ROBO2: variants seen among roughly 807,000 people sequenced by gnomAD.
The protein encoded by ROBO2 is roundabout guidance receptor 2.
A neutral mutation model predicts 160.8 loss-of-function variants in ROBO2; 53 were observed. The ratio of observed to expected loss-of-function variants is 0.33; its 90% CI spans 0.26 to 0.41. The LOEUF is 0.41. Ranked by LOEUF, ROBO2 falls within the 10% of genes least tolerant of loss-of-function variation. ROBO2 has a pLI of 1.00. For synonymous variants in ROBO2, 664 were observed against 611.7 expected, an observed-to-expected ratio of 1.09 and a Z score of -1.26; for missense variants, 1,577 against 1,722.4, an observed-to-expected ratio of 0.92 and a Z score of 1.49.
intron 2 of ROBO2, among the ~76,000 whole-genome samples, chr3:77,368,993 G>A (rs953902151): frequency 7.9e-5 from 12 of 152,060 alleles, no homozygotes; most frequent in Admixed American, 2.0e-4. Flanking sequence ...TTTATCTTGC[G>A]GTGGGGTTGC....
At chr3:76,062,006 A>G (rs191480411) in intron 2 of ROBO2, among the ~76,000 whole-genome samples, 12 of 152,220 alleles carry the variant, frequency 7.9e-5, no homozygotes, top group African/African-American at 2.9e-4. Flanking sequence ...TCCCATTTTA[A>G]AGGACAATTC....
In ROBO2 at chr3:76,966,182, A is replaced by G. The variant is rs112461428; in HGVS notation, c.110-131832A>G. Among the ~76,000 whole-genome samples, 1,072 of 152,192 alleles carry G rather than the reference A, an allele frequency of 7.0e-3. 13 individuals carry two copies. Among genetic ancestry groups the G allele is most frequent in the African/African-American group, 0.024 (1,003 of 41,518 alleles). On this transcript the variant is annotated intron_variant, in intron 2 of 26. Transcript: ENST00000487694. ...GGTGATACACCCACCTCGGCCTCCC[A>G]AAGTGCTGGGATTACAGGCGTGAGC...
intron 2 of ROBO2, among the ~76,000 whole-genome samples, chr3:76,922,443 G>T (rs1023493842): frequency 6.6e-6 from 1 of 152,178 alleles, no homozygotes; most frequent in Non-Finnish European, 1.5e-5. Flanking sequence ...TGTGGCTTTA[G>T]GTAGCATCCT....
chr3:77,288,082 A>T (rs1260478256), intron 2 of ROBO2, among the ~76,000 whole-genome samples: 1 of 152,202 alleles, frequency 6.6e-6, no homozygotes, highest in Non-Finnish European at 1.5e-5. Flanking sequence ...TTTATTGAGG[A>T]ACAGGGTATT....
At chr3:77,596,950 A>G (rs1220295674) in intron 19 of ROBO2, among the ~76,000 whole-genome samples, 200 bp downstream of exon 20, 1 of 152,112 alleles carries the variant, frequency 6.6e-6, no homozygotes, top group Non-Finnish European at 1.5e-5. Context: ...TACCTTGAGT[A>G]AAACCAAACT....
intron 2 of ROBO2, among the ~76,000 whole-genome samples, chr3:76,476,388 C>A (rs2078932298): frequency 6.6e-6 from 1 of 152,072 alleles, no homozygotes; most frequent in African/African-American, 2.4e-5. Flanking sequence ...CTGTCCCTGG[C>A]AGCTGAGGGG....
intron 2 of ROBO2, among the ~76,000 whole-genome samples, chr3:76,703,296 G>A (rs73841963): frequency 0.2 from 30,382 of 152,008 alleles, 5,243 homozygotes; most frequent in African/African-American, 0.47. Flanking sequence ...ACTCTCTATT[G>A]TAAATGAAGA....
intron 1 of ROBO2, among the ~76,000 whole-genome samples, chr3:75,922,911 A>G (rs932509157): frequency 5.3e-5 from 8 of 152,176 alleles, no homozygotes; most frequent in African/African-American, 9.7e-5. Flanking sequence ...GCATGTTCAT[A>G]CCTGGATAAT....
chr3:76,227,079 C>G (rs555271625), intron 2 of ROBO2, among the ~76,000 whole-genome samples: 1 of 152,286 alleles, frequency 6.6e-6, no homozygotes, highest in South Asian at 2.1e-4. Context: ...ATTTTGCCGA[C>G]TGGCTCACTA....
intron 2 of ROBO2, among the ~76,000 whole-genome samples, chr3:76,675,515 C>T (rs965854574): frequency 1.3e-5 from 2 of 152,106 alleles, no homozygotes; most frequent in African/African-American, 2.4e-5. Flanking sequence ...TTCATGAATG[C>T]TTTGAAGTCC....
chr3:75,946,620 T>C (rs1948303144), intron 2 of ROBO2, among the ~76,000 whole-genome samples: 1 of 151,896 alleles, frequency 6.6e-6, no homozygotes, highest in African/African-American at 2.4e-5. Context: ...CATTTGAGAG[T>C]TGAGTGAAGA....
chr3:75,968,236 A>G (rs563961139), intron 2 of ROBO2, among the ~76,000 whole-genome samples: 2 of 151,394 alleles, frequency 1.3e-5, no homozygotes, highest in Non-Finnish European at 3.0e-5. Flanking sequence ...TGTCAACACT[A>G]TGGATATTAT....
intron 2 of ROBO2, among the ~76,000 whole-genome samples, chr3:76,623,540 C>T (rs1238070984): frequency 6.6e-6 from 1 of 152,118 alleles, no homozygotes; most frequent in African/African-American, 2.4e-5. Context: ...TTTAGCCTCA[C>T]GTAATAAGGA....
intron 2 of ROBO2, among the ~76,000 whole-genome samples, chr3:76,472,086 T>C (rs890397527): frequency 1.0e-4 from 13 of 125,800 alleles, no homozygotes; most frequent in African/African-American, 3.9e-4. Flanking sequence ...TGTGTGTGTG[T>C]GTGTGTGTGT....
intron 2 of ROBO2, among the ~76,000 whole-genome samples, chr3:75,957,396 T>C (rs1332082819): frequency 6.6e-6 from 1 of 151,684 alleles, no homozygotes; most frequent in Non-Finnish European, 1.5e-5. Context: ...TTTAAAATGA[T>C]TTTCTCTTAA....
chr3:76,416,225 C>G (rs1248921969), intron 2 of ROBO2, among the ~76,000 whole-genome samples: 2 of 152,026 alleles, frequency 1.3e-5, no homozygotes, highest in African/African-American at 4.8e-5. Flanking sequence ...AATCTTGGCC[C>G]TGAATGTCTA....
intron 2 of ROBO2, among the ~76,000 whole-genome samples, chr3:76,840,738 A>G (rs2068176160): frequency 6.6e-6 from 1 of 150,474 alleles, no homozygotes; most frequent in South Asian, 2.1e-4. Context: ...AAATTCTTTG[A>G]TTAAACTTTT....
intron 2 of ROBO2, among the ~76,000 whole-genome samples, chr3:76,748,454 AAC>A (rs2093927940): frequency 6.6e-6 from 1 of 151,776 alleles, no homozygotes; most frequent in Admixed American, 6.6e-5. Flanking sequence ...GTTTAAAAAC[AAC>A]TGGTACTGTA....
chr3:76,226,655 T>A (rs1241880058), intron 2 of ROBO2, among the ~76,000 whole-genome samples: 2 of 152,156 alleles, frequency 1.3e-5, no homozygotes, highest in African/African-American at 4.8e-5. Context: ...TAATATCCCT[T>A]TAGTGATGTA....
Sources: allele counts gnomAD v4.1 joint callset (sites outside exome capture counted in the v4.1 genomes callset), GRCh38; gene constraint gnomAD v4.1.1; transcripts MANE v1.5; gene names NCBI Gene and HGNC (gene_info 2026-07-23, HGNC 2026-07-21).